LAMC3: variants seen among roughly 807,000 people sequenced by gnomAD.
LAMC3 encodes laminin subunit gamma 3, also known as laminin subunit gamma-3.
A neutral mutation model predicts 173.8 loss-of-function variants in LAMC3; 128 were observed. The observed-to-expected ratio is 0.74, with a 90% CI of 0.64 to 0.85. The LOEUF (loss-of-function observed/expected upper bound fraction) is 0.85. Among genes scored for constraint, LAMC3 ranks in the 40% least tolerant of loss-of-function variants. The probability of loss-of-function intolerance (pLI) is 0.00; values close to 1 mark genes in which losing one functional copy is unlikely to be tolerated. For missense variants in LAMC3, 2,022 were observed against 2,156.0 expected, an observed-to-expected ratio of 0.94 and a Z score of 1.23; for synonymous variants, 897 against 909.1, an observed-to-expected ratio of 0.99 and a Z score of 0.24.
At chr9:131,078,385 G>A (rs764728919) in intron 22 of LAMC3, among the ~76,000 whole-genome samples, 4 of 152,198 alleles carry the variant, frequency 2.6e-5, no homozygotes, top group Non-Finnish European at 4.4e-5. Context: ...CCAACTACTC[G>A]GGAGGCTGAG....
At chr9:131,028,510 G>A (rs540988521) in intron 2 of LAMC3, among the ~76,000 whole-genome samples, 1 of 152,228 alleles carries the variant, frequency 6.6e-6, no homozygotes, top group Admixed American at 6.5e-5. Flanking sequence ...TCAGCGATGT[G>A]CAGCATGAGA....
chr9:131,067,226 C>G, intron 14 of LAMC3, 21 bp downstream of exon 14: 1 of 1,612,118 alleles, frequency 6.2e-7, no homozygotes, highest in East Asian at 2.2e-5. Context: ...ACCTCCAGAC[C>G]CCAGGGTGGC....
chr9:131,049,104 A>G lies in LAMC3; in HGVS notation c.1604A>G (p.Glu535Gly). Residue 535 changes from glutamate to glycine, a missense_variant, in exon 9 of 28, where the codon GAA becomes GGA. By Grantham distance (98) the Glu-to-Gly change is moderately conservative. Transcript: ENST00000361069. The part of the protein sequence containing the change: ...WSPNGVLLSP[E>G]DEEELTAPEK... ...CCAAATGGGGTCCTCCTGAGCCCAG[A>G]AGACGAGGAGGAGCTCACAGCACCA... is the stretch of plus-strand genomic sequence containing the variant. 2.6e-6 allele frequency: 4 copies of G among 1,551,498 alleles called. No individual in the cohort carries two copies. The highest frequency in any genetic ancestry group is 3.5e-6 in the Non-Finnish European group (4 of 1,146,556).
At chr9:131,071,386 A>AC in intron 17 of LAMC3, 98 bp from the exon 18 acceptor site, 1 of 1,409,336 alleles carries the variant, frequency 7.1e-7, no homozygotes. Flanking sequence ...GGAGAAGGGA[A>AC]CCCCCAGGGA....
In LAMC3 at chr9:131,077,344, G is replaced by C. The variant is rs759246934; in HGVS notation, c.3777+10G>C. Reference sequence around the variant, plus strand: ...TTCCCCGGGAGCTCTGGTCAGCTCAGTTGTCTCAGAGCTCCGTGTGGGGTC... The same window carrying C: ...TTCCCCGGGAGCTCTGGTCAGCTCACTTGTCTCAGAGCTCCGTGTGGGGTC... On this transcript the variant is annotated intron_variant, in intron 22 of 27. Transcript: ENST00000361069. The C allele has an allele frequency of 1.9e-6, 3 of 1,613,508 alleles. No individual in the cohort carries two copies. The highest frequency in any genetic ancestry group is 1.3e-5 in the African/African-American group (1 of 75,060).
At chr9:131,088,194 C>T (rs140250185) in intron 27 of LAMC3, among the ~76,000 whole-genome samples, 44 of 152,256 alleles carry the variant, frequency 2.9e-4, no homozygotes, top group Non-Finnish European at 4.7e-4. Context: ...AAGACTGTCA[C>T]GGCAGAAAGT....
chr9:131,013,009 T>A (rs1417326986), intron 1 of LAMC3, among the ~76,000 whole-genome samples: 5 of 152,172 alleles, frequency 3.3e-5, no homozygotes, highest in Non-Finnish European at 7.4e-5. Flanking sequence ...GCCACGGGGC[T>A]GGGGCCTGGG....
In LAMC3 at chr9:131,052,617, T is replaced by A; in HGVS notation, c.1757T>A (p.Leu586Gln). 2 of 1,613,948 alleles carry A rather than the reference T, an allele frequency of 1.2e-6. No individual in the cohort carries two copies. The highest frequency in any genetic ancestry group is 1.7e-6 in the Non-Finnish European group (2 of 1,179,962). Reference protein sequence around the residue: ...RLEGTGLALSLRHSSLSGPQD... With the variant: ...RLEGTGLALSQRHSSLSGPQD... ...GAAGGGACAGGCTTGGCCCTGTCCCTGAGGCACTCTAGCCTGTCTGGCCCC... is the reference window on the plus strand; with the variant it reads ...GAAGGGACAGGCTTGGCCCTGTCCCAGAGGCACTCTAGCCTGTCTGGCCCC... The change falls in exon 10 of 28, where the codon CTG becomes CAG. Residue 586 changes from leucine (L) to glutamine (Q), a missense_variant. Coordinates refer to ENST00000361069, the MANE Select transcript of LAMC3 (RefSeq NM_006059.4).
intron 23 of LAMC3, among the ~76,000 whole-genome samples, chr9:131,081,214 TG>T (rs1284478161): frequency 6.6e-6 from 1 of 152,244 alleles, no homozygotes; most frequent in African/African-American, 2.4e-5. Context: ...TCACCTGCCT[TG>T]CGGCCTGGAT....
At chr9:131,082,563 G>T (rs1239998342) in intron 24 of LAMC3, among the ~76,000 whole-genome samples, 3 of 152,234 alleles carry the variant, frequency 2.0e-5, no homozygotes, top group Non-Finnish European at 2.9e-5. Context: ...CTCTTTAGAA[G>T]GGGCTATGGG....
intron 1 of LAMC3, among the ~76,000 whole-genome samples, chr9:131,015,797 A>G (rs1371215148): frequency 6.6e-6 from 1 of 152,190 alleles, no homozygotes; most frequent in Non-Finnish European, 1.5e-5. Flanking sequence ...CTGAGATTAC[A>G]GGTTCCTGCC....
chr9:131,052,569 C>T lies in LAMC3; in HGVS notation c.1709C>T (p.Pro570Leu). 6.2e-7 allele frequency: 1 copy of T among 1,614,102 alleles called. No individual in the cohort carries two copies. Among genetic ancestry groups the T allele is most frequent in the Non-Finnish European group, 8.5e-7 (1 of 1,179,950 alleles). ...TTCCGGGTGCCCCCCGGGGACTCCC[C>T]ACTCCCTGTACAGCTGAGGCTGGAA... Reference protein sequence around the residue: ...LTFRVPPGDSPLPVQLRLEGT... With the variant: ...LTFRVPPGDSLLPVQLRLEGT... Residue 570 changes from proline (P) to leucine (L), a missense_variant, in exon 10 of 28, where the codon CCA becomes CTA. Coordinates refer to ENST00000361069, the MANE Select transcript of LAMC3 (RefSeq NM_006059.4).
At chr9:131,090,218 C>G (rs1830400160) in intron 27 of LAMC3, among the ~76,000 whole-genome samples, 1 of 152,184 alleles carries the variant, frequency 6.6e-6, no homozygotes, top group Non-Finnish European at 1.5e-5. Flanking sequence ...ACACCTAAGG[C>G]CCTGTCGTGG....
At chr9:131,054,170 C>CT (rs1412540094) in intron 11 of LAMC3, among the ~76,000 whole-genome samples, 1 of 152,136 alleles carries the variant, frequency 6.6e-6, no homozygotes, top group Non-Finnish European at 1.5e-5. Context: ...TTTCTGGGAA[C>CT]TTTAGGCCTC....
intron 24 of LAMC3, among the ~76,000 whole-genome samples, chr9:131,084,136 G>A (rs922867187): frequency 2.0e-5 from 3 of 150,324 alleles, no homozygotes; most frequent in Non-Finnish European, 4.4e-5. Context: ...ACCTGCCTCC[G>A]CCTCCCAAAG....
Position 131,081,443 on chromosome 9 carries a change from C to CTCCCTCCATCCCTCCA in LAMC3, c.3928-609_3928-608insATCCCTCCATCCCTCC, listed in dbSNP as rs747816556. On this transcript the variant is annotated intron_variant, in intron 23 of 27. Coordinates refer to ENST00000361069, the MANE Select transcript of LAMC3 (RefSeq NM_006059.4). ...GCTGAGATAGAGCAGTGTTCCCTCCCTCCCTCCCTCCCTCCCTCCCTTCCT... is the reference window on the plus strand; with the variant it reads ...GCTGAGATAGAGCAGTGTTCCCTCCCTCCCTCCATCCCTCCATCCCTCCCTCCCTCCCTCCCTTCCT... 8.9e-3 allele frequency among the ~76,000 whole-genome samples: 1,255 copies of CTCCCTCCATCCCTCCA among 140,802 alleles called. 28 individuals are homozygous for CTCCCTCCATCCCTCCA. Among genetic ancestry groups the CTCCCTCCATCCCTCCA allele is most frequent in the African/African-American group, 0.031 (1,184 of 37,932 alleles). 92.4% of individuals were successfully genotyped at this position (140,802 alleles called of 152,430 possible). A position where few individuals can be genotyped will look rare whatever the true frequency, so the allele number is the denominator to read the frequency against.
chr9:131,052,534 C>G lies in LAMC3; in HGVS notation c.1674C>G (p.Leu558=), dbSNP rs767746796. The G allele has an allele frequency of 8.1e-6, 13 of 1,614,102 alleles. No individual in the cohort carries two copies. The highest frequency in any genetic ancestry group is 1.6e-4 in the Middle Eastern group (1 of 6,084). The change falls in exon 10 of 28, where the codon CTC becomes CTG. Residue 558 remains leucine, a synonymous_variant. Transcript: ENST00000361069. ...AGCGGTTCAGCTATGGGCAGCCCCT[C>G]ATACTGACCTTCCGGGTGCCCCCCG... The part of the protein sequence containing the change: ...GDQRFSYGQP[L]ILTFRVPPGD...
At chr9:131,080,021 A>G (rs7029903) in intron 23 of LAMC3, among the ~76,000 whole-genome samples, 106,878 of 152,098 alleles carry the variant, frequency 0.7, 38,581 homozygotes, top group Non-Finnish European at 0.79. Flanking sequence ...TGCCTGGGCT[A>G]GAGTGCAGTG....
Position 131,073,367 on chromosome 9 carries a change from G to T in LAMC3, c.3494+46G>T, listed in dbSNP as rs12340386. Reference sequence around the variant, plus strand: ...AGCTTACACCTGGCCCTTCTCCTGGGGGTTCCAGGGTCAGAGTCAGCCCCA... The same window carrying T: ...AGCTTACACCTGGCCCTTCTCCTGGTGGTTCCAGGGTCAGAGTCAGCCCCA... On this transcript the variant is annotated intron_variant, in intron 20 of 27. Coordinates refer to ENST00000361069, the MANE Select transcript of LAMC3 (RefSeq NM_006059.4). 3.8e-3 allele frequency: 5,452 copies of T among 1,447,720 alleles called. 161 individuals carry two copies. In the African/African-American group the frequency reaches 0.067, roughly 18 times the overall value. The allele number at this position is 1,447,720 out of a possible 1,614,324, so 89.7% of individuals were successfully genotyped here.
Sources: gnomAD v4.1 joint callset for allele counts (sites outside exome capture counted in the v4.1 genomes callset) on GRCh38, gnomAD v4.1.1 for gene constraint, MANE v1.5 for transcripts, NCBI Gene and HGNC (gene_info 2026-07-23, HGNC 2026-07-21) for gene names.